The following RORB variants were observed in gnomAD, a reference collection of about 807,000 sequenced individuals.
RORB encodes the protein RAR related orphan receptor B, also known as nuclear receptor ROR-beta.
A neutral mutation model predicts 59.1 loss-of-function variants in RORB; 6 were observed. That is an observed-to-expected ratio of 0.10 (90% confidence interval 0.06 to 0.20). RORB has a LOEUF of 0.20. Among genes scored for constraint, RORB ranks in the 10% least tolerant of loss-of-function variants. RORB has a pLI of 1.00. For synonymous variants in RORB, 215 were observed against 204.5 expected, an observed-to-expected ratio of 1.05 and a Z score of -0.44; for missense variants, 320 against 560.5, an observed-to-expected ratio of 0.57 and a Z score of 4.33.
At chr9:74,600,838 A>C (rs1302980127) in intron 1 of RORB, among the ~76,000 whole-genome samples, 1 of 152,222 alleles carries the variant, frequency 6.6e-6, no homozygotes, top group Non-Finnish European at 1.5e-5. Context: ...GGAAATCTAC[A>C]GACTACTTCT....
chr9:74,497,919 C>G lies in RORB; in HGVS notation c.-58C>G. The G allele has an allele frequency of 6.2e-7, 1 of 1,602,412 alleles. No homozygotes were observed. The highest frequency in any genetic ancestry group is 8.5e-7 in the Non-Finnish European group (1 of 1,174,300). The stretch of plus-strand genomic sequence containing the variant: ...GTGCTGAGCGGGATTTTTGGGCTCT[C>G]CGGGGTTCGGGCTGGGAGCAGCTTC... On this transcript the variant is annotated 5_prime_UTR_variant, in exon 1 of 10. Coordinates refer to ENST00000376896, the MANE Select transcript of RORB (RefSeq NM_006914.4).
chr9:74,643,558 T>C (rs781122074), intron 4 of RORB, among the ~76,000 whole-genome samples: 1 of 152,124 alleles, frequency 6.6e-6, no homozygotes, highest in Non-Finnish European at 1.5e-5. Flanking sequence ...AACTCAGGAG[T>C]CTATTAAATG....
intron 1 of RORB, among the ~76,000 whole-genome samples, chr9:74,574,887 C>T (rs538578454): frequency 1.3e-5 from 2 of 152,210 alleles, no homozygotes; most frequent in East Asian, 3.9e-4. Context: ...GAAGGAGAGC[C>T]TCTTCCTATC....
chr9:74,532,249 G>T (rs1826253226), intron 1 of RORB, among the ~76,000 whole-genome samples: 1 of 151,966 alleles, frequency 6.6e-6, no homozygotes, highest in Non-Finnish European at 1.5e-5. Context: ...ACATAGATGT[G>T]TATATCTTTG....
intron 1 of RORB, among the ~76,000 whole-genome samples, chr9:74,615,251 A>G (rs1182943641): frequency 6.6e-6 from 1 of 152,210 alleles, no homozygotes; most frequent in Admixed American, 6.5e-5. Context: ...TTCCAAAAGG[A>G]TGAAAACAAA....
intron 5 of RORB, among the ~76,000 whole-genome samples, chr9:74,661,883 G>A (rs1168910486): frequency 6.6e-6 from 1 of 151,786 alleles, no homozygotes; most frequent in Non-Finnish European, 1.5e-5. Context: ...CTGACCCTGT[G>A]ATCCGCCTGC....
chr9:74,640,675 G>A (rs555405321), intron 3 of RORB, among the ~76,000 whole-genome samples: 4 of 152,226 alleles, frequency 2.6e-5, no homozygotes, highest in East Asian at 1.9e-4. Context: ...CAGCAGGCAA[G>A]AAGGAGGAAA....
Position 74,497,523 on chromosome 9 carries a change from G to T in RORB, c.-454G>T. On this transcript the variant is annotated 5_prime_UTR_variant, in exon 1 of 10. Coordinates refer to ENST00000376896, the MANE Select transcript of RORB (RefSeq NM_006914.4). The stretch of plus-strand genomic sequence containing the variant: ...CCCTTGTTCCTTCTCCCTCTTCTTT[G>T]TAACTAACAAAACCACCACCAACTC... The T allele has an allele frequency of 5.3e-6, 1 of 187,164 alleles. No individual in the cohort carries two copies. The highest frequency in any genetic ancestry group is 1.3e-4 in the East Asian group (1 of 7,500). 11.6% of individuals were successfully genotyped at this position (187,164 alleles called of 1,614,324 possible).
chr9:74,598,115 A>G (rs1005410983), intron 1 of RORB, among the ~76,000 whole-genome samples: 1 of 152,092 alleles, frequency 6.6e-6, no homozygotes, highest in African/African-American at 2.4e-5. Flanking sequence ...ATTTTGCATT[A>G]TATTTGTATT....
At chr9:74,602,657 T>G (rs374976964) in intron 1 of RORB, among the ~76,000 whole-genome samples, 2 of 152,220 alleles carry the variant, frequency 1.3e-5, no homozygotes, top group Admixed American at 6.5e-5. Context: ...ATTCTTGAGT[T>G]ATGTAGCACC....
At chr9:74,680,089 G>C (rs1168763451) in intron 9 of RORB, among the ~76,000 whole-genome samples, 1 of 152,130 alleles carries the variant, frequency 6.6e-6, no homozygotes, top group African/African-American at 2.4e-5. Context: ...TCAACAGAGC[G>C]AGACTGTGTC....
At chr9:74,651,879 C>T (rs574722421) in intron 4 of RORB, among the ~76,000 whole-genome samples, 1 of 152,258 alleles carries the variant, frequency 6.6e-6, no homozygotes, top group East Asian at 1.9e-4. Flanking sequence ...GATTCTTTCT[C>T]GTCAACTGAT....
At chr9:74,554,843 T>C (rs1359126915) in intron 1 of RORB, among the ~76,000 whole-genome samples, 4 of 152,170 alleles carry the variant, frequency 2.6e-5, no homozygotes, top group African/African-American at 9.6e-5. Flanking sequence ...AAAGATATCT[T>C]GTCATCCTAG....
intron 9 of RORB, among the ~76,000 whole-genome samples, chr9:74,678,195 T>G (rs1466066272): frequency 2.6e-5 from 4 of 152,224 alleles, no homozygotes; most frequent in African/African-American, 9.6e-5. Context: ...AAGCAGCTTC[T>G]AAGTGGGAGA....
chr9:74,672,060 T>C (rs1587417411), intron 9 of RORB, among the ~76,000 whole-genome samples, 159 bp downstream of exon 9: 1 of 152,106 alleles, frequency 6.6e-6, no homozygotes. Context: ...GAGAGGCTAG[T>C]GAATTGTAAT....
At chr9:74,521,497 A>G (rs1826084874) in intron 1 of RORB, among the ~76,000 whole-genome samples, 1 of 151,906 alleles carries the variant, frequency 6.6e-6, no homozygotes, top group African/African-American at 2.4e-5. Context: ...CCCCAAAGTG[A>G]GCCTTTTCTG....
rs1200804614 is a variant in RORB at position 74,656,109 on chromosome 9, A to G, written c.638-4508A>G. Among the ~76,000 whole-genome samples, 5 of 152,250 alleles carry G rather than the reference A, an allele frequency of 3.3e-5. No homozygotes were observed. The South Asian group carries it at 6.2e-4, about 19-fold the overall frequency. On this transcript the variant is annotated intron_variant, in intron 4 of 9. Coordinates refer to ENST00000376896, the MANE Select transcript of RORB (RefSeq NM_006914.4). ...TTTAAGATCATCAAACAAAGGATCA[A>G]TCTTAACTCTTATAAATCCTTTGAG... is the stretch of plus-strand genomic sequence containing the variant.
intron 1 of RORB, among the ~76,000 whole-genome samples, chr9:74,590,828 G>T (rs771823958): frequency 6.6e-6 from 1 of 152,154 alleles, no homozygotes; most frequent in Non-Finnish European, 1.5e-5. Context: ...GTCTCGTTCT[G>T]TCACCTTGGC....
chr9:74,681,292 T>A (rs112517411), intron 9 of RORB, among the ~76,000 whole-genome samples: 4 of 152,310 alleles, frequency 2.6e-5, no homozygotes, highest in African/African-American at 9.6e-5. Context: ...TAATGAGCAA[T>A]AAGTGATTGC....
Sources: allele counts gnomAD v4.1 joint callset (sites outside exome capture counted in the v4.1 genomes callset), GRCh38; gene constraint gnomAD v4.1.1; transcripts MANE v1.5; gene names NCBI Gene and HGNC (gene_info 2026-07-23, HGNC 2026-07-21).